The following MPRIP variants were observed in gnomAD, a reference collection of about 807,000 sequenced individuals.
MPRIP encodes myosin phosphatase Rho interacting protein.
A neutral mutation model predicts 234.9 loss-of-function variants in MPRIP; 59 were observed. The ratio of observed to expected loss-of-function variants is 0.25; its 90% CI spans 0.20 to 0.31. The LOEUF is 0.31. Ranked by LOEUF, MPRIP falls within the 10% of genes least tolerant of loss-of-function variation. MPRIP has a pLI of 1.00. For missense variants in MPRIP, 2,436 were observed against 3,071.0 expected, an observed-to-expected ratio of 0.79 and a Z score of 4.89; for synonymous variants, 1,144 against 1,263.9, an observed-to-expected ratio of 0.91 and a Z score of 2.01.
At position 17,165,934 on chromosome 17, in the gene MPRIP, A is replaced by AGCAGGAGAG. The variant is rs1184382787; in HGVS notation, c.4354_4362dup (p.Gln1452_Arg1454dup). 1.5e-6 allele frequency: 2 copies of AGCAGGAGAG among 1,304,120 alleles called. No homozygotes were observed. The highest frequency in any genetic ancestry group is 2.1e-4 in the Middle Eastern group (1 of 4,698). 80.8% of individuals were successfully genotyped at this position (1,304,120 alleles called of 1,614,324 possible). A position where few individuals can be genotyped will look rare whatever the true frequency, so the allele number is the denominator to read the frequency against. Reference sequence around the variant, plus strand: ...GTTGGCGCACTGGCCTCCCAGCTGGAGCAGGAGAGGCAGGAGAGGGCCAGG... The same window carrying AGCAGGAGAG: ...GTTGGCGCACTGGCCTCCCAGCTGGAGCAGGAGAGGCAGGAGAGGCAGGAGAGGGCCAGG... On this transcript the variant is annotated inframe_insertion, in exon 16 of 24. Coordinates refer to ENST00000651222, the MANE Select transcript of MPRIP (RefSeq NM_001364716.4).
chr17:17,147,497 C>CATT, intron 11 of MPRIP, 110 bp downstream of exon 11: 7 of 1,055,806 alleles, frequency 6.6e-6, no homozygotes, highest in Non-Finnish European at 1.0e-5. Context: ...CTTCTGAGGA[C>CATT]AGCGCCCTTC....
At chr17:17,114,968 T>C (rs1008804099) in intron 3 of MPRIP, among the ~76,000 whole-genome samples, 2 of 152,264 alleles carry the variant, frequency 1.3e-5, no homozygotes, top group African/African-American at 4.8e-5. Flanking sequence ...GTTCTAACTA[T>C]GCCCCTGGGA....
intron 2 of MPRIP, chr17:17,077,661 CAT>C (rs904008968): frequency 9.3e-6 from 2 of 215,956 alleles, no homozygotes; most frequent in Non-Finnish European, 1.9e-5. Flanking sequence ...AATATTGACA[CAT>C]GTCATGTGAT....
At position 17,164,111 on chromosome 17, in the gene MPRIP, T is replaced by C. The variant is rs2045929025; in HGVS notation, c.2520T>C (p.Thr840=). The change falls in exon 16 of 24, where the codon ACT becomes ACC. Residue 840 remains threonine, a splice_region_variant and synonymous_variant. Transcript: ENST00000651222. ...AGTATTTAATCGGTTTTTTTAAGACTGAAGTGGCCGCCTCCCCATCGGGTG... is the reference window on the plus strand; with the variant it reads ...AGTATTTAATCGGTTTTTTTAAGACCGAAGTGGCCGCCTCCCCATCGGGTG... ...QSAREGYVLQ[T]EVAASPSGAW... 7.7e-7 allele frequency: 1 copy of C among 1,304,108 alleles called. No individual in the cohort carries two copies. Among genetic ancestry groups the C allele is most frequent in the Non-Finnish European group, 1.0e-6 (1 of 988,966 alleles). The allele number at this position is 1,304,108 out of a possible 1,614,324, so 80.8% of individuals were successfully genotyped here. A position where few individuals can be genotyped will look rare whatever the true frequency, so the allele number is the denominator to read the frequency against.
chr17:17,052,945 T>G (rs2088586255), intron 1 of MPRIP, among the ~76,000 whole-genome samples: 1 of 152,120 alleles, frequency 6.6e-6, no homozygotes, highest in Non-Finnish European at 1.5e-5. Context: ...CTCCTCGTGG[T>G]CCTTCCCATA....
At chr17:17,137,833 A>T in intron 6 of MPRIP, 83 bp from the exon 7 acceptor site, 1 of 1,330,196 alleles carries the variant, frequency 7.5e-7, no homozygotes, top group Non-Finnish European at 1.0e-6. Context: ...CTTGGATCCT[A>T]CATGGGCTTT....
intron 3 of MPRIP, among the ~76,000 whole-genome samples, chr17:17,079,900 G>A (rs775038658): frequency 2.3e-4 from 35 of 152,228 alleles, no homozygotes; most frequent in Non-Finnish European, 4.4e-4. Context: ...GCTTAGCCAG[G>A]AGCACCGACA....
chr17:17,170,169 C>T (rs924204487), intron 16 of MPRIP: 2 of 149,370 alleles, frequency 1.3e-5, no homozygotes, highest in African/African-American at 2.5e-5. Flanking sequence ...CACACAAATT[C>T]ATGAAGTATT....
rs2045360703 is a variant in MPRIP, at chr17:17,142,866, C to T, written c.1389+101C>T. 2.9e-5 allele frequency: 40 copies of T among 1,360,142 alleles called. No individual in the cohort carries two copies. In the South Asian group the frequency reaches 4.1e-4, roughly 14 times the overall value. The allele number at this position is 1,360,142 out of a possible 1,614,324, so 84.3% of individuals were successfully genotyped here. ...CCTCCACACAGGCCTGGGATGTGCT[C>T]CTGCCAGGCTTCTCTCCAACCACCT... is the stretch of plus-strand genomic sequence containing the variant. On this transcript the variant is annotated intron_variant, in intron 8 of 23. Coordinates refer to ENST00000651222, the MANE Select transcript of MPRIP (RefSeq NM_001364716.4).
intron 3 of MPRIP, among the ~76,000 whole-genome samples, chr17:17,125,789 T>G (rs1362879752): frequency 6.6e-6 from 1 of 152,116 alleles, no homozygotes; most frequent in Non-Finnish European, 1.5e-5. Context: ...ATCTTCTGCT[T>G]CTTCAAGAAT....
rs567512993 is a variant in MPRIP, at chr17:17,052,659, G to A, written c.123+9688G>A. ...CCTTAGTTCTTGAGTGTGTGGTGGG[G>A]CGTGTGTGTGAACGGTGCAGGCTGT... is the stretch of plus-strand genomic sequence containing the variant. On this transcript the variant is annotated intron_variant, in intron 1 of 23. Coordinates refer to ENST00000651222, the MANE Select transcript of MPRIP (RefSeq NM_001364716.4). Among the ~76,000 whole-genome samples the A allele has an allele frequency of 2.6e-5, 4 of 152,324 alleles. No individual in the cohort carries two copies. The South Asian group carries it at 8.3e-4, about 32-fold the overall frequency.
chr17:17,103,446 G>C (rs899964767), intron 3 of MPRIP, among the ~76,000 whole-genome samples: 3 of 152,184 alleles, frequency 2.0e-5, no homozygotes, highest in African/African-American at 7.2e-5. Flanking sequence ...TGGAGGTCCT[G>C]GTGGAGCTTA....
rs1170669775 is a variant in MPRIP at position 17,188,597 on chromosome 17, A to G, written c.*3703A>G. ...AATACTGACAGATAAGGCCGGAAAC[A>G]AAACTGATGGCTTGAAAAACATTTT... On this transcript the variant is annotated 3_prime_UTR_variant, in exon 24 of 24. Transcript: ENST00000651222. 1.3e-5 allele frequency: 2 copies of G among 152,274 alleles called. No homozygotes were observed. Among genetic ancestry groups the G allele is most frequent in the African/African-American group, 4.8e-5 (2 of 41,466 alleles). 9.4% of individuals were successfully genotyped at this position (152,274 alleles called of 1,614,324 possible). A position where few individuals can be genotyped will look rare whatever the true frequency, so the allele number is the denominator to read the frequency against.
rs763517865 is a variant in MPRIP, at chr17:17,180,100, G to T, written c.7206+12G>T. The T allele has an allele frequency of 3.2e-6, 5 of 1,568,196 alleles. No individual in the cohort carries two copies. The highest frequency in any genetic ancestry group is 4.6e-5 in the East Asian group (2 of 43,850). The stretch of plus-strand genomic sequence containing the variant: ...ACATCAGGTCCAAGGTGAGTCTGGG[G>T]TCCAGCCCCCTGGTGGGAGGGGCTT... On this transcript the variant is annotated intron_variant, in intron 23 of 23. Coordinates refer to ENST00000651222, the MANE Select transcript of MPRIP (RefSeq NM_001364716.4).
intron 3 of MPRIP, among the ~76,000 whole-genome samples, chr17:17,118,535 G>T (rs1283570462): frequency 6.6e-6 from 1 of 152,224 alleles, no homozygotes; most frequent in African/African-American, 2.4e-5. Context: ...GTTCCATGCA[G>T]CTTCAGGAGG....
chr17:17,185,587 C>T lies in MPRIP; in HGVS notation c.*693C>T. ...CCCCGGCCCCTCTCCTTCCTTCCTT[C>T]CTTCCTTCCTCCGCTCGTTCCTTTC... On this transcript the variant is annotated 3_prime_UTR_variant, in exon 24 of 24. Transcript: ENST00000651222. 2.2e-6 allele frequency: 1 copy of T among 456,624 alleles called. No homozygotes were observed. Among genetic ancestry groups the T allele is most frequent in the Non-Finnish European group, 4.4e-6 (1 of 227,000 alleles). The allele number at this position is 456,624 out of a possible 1,614,324, so 28.3% of individuals were successfully genotyped here.
At chr17:17,183,666 T>C (rs184264317) in intron 23 of MPRIP, among the ~76,000 whole-genome samples, 21 of 151,666 alleles carry the variant, frequency 1.4e-4, no homozygotes, top group Admixed American at 1.2e-3. Context: ...ACAGTGGAGC[T>C]CCCCCTTCCC....
intron 3 of MPRIP, among the ~76,000 whole-genome samples, chr17:17,121,930 G>A (rs1000329477): frequency 9.2e-5 from 14 of 152,150 alleles, no homozygotes; most frequent in African/African-American, 3.1e-4. Context: ...TTCTGTTCCT[G>A]TGTTCGTTTG....
At chr17:17,174,170 G>T in intron 19 of MPRIP, 95 bp downstream of exon 19, 1 of 1,432,254 alleles carries the variant, frequency 7.0e-7, no homozygotes, top group Non-Finnish European at 9.4e-7. Flanking sequence ...GCTGGAGCCA[G>T]GCCTCACCCT....
Sources: allele counts gnomAD v4.1 joint callset (sites outside exome capture counted in the v4.1 genomes callset), GRCh38; gene constraint gnomAD v4.1.1; transcripts MANE v1.5; gene names NCBI Gene and HGNC (gene_info 2026-07-23, HGNC 2026-07-21).